DLGAP4: variants seen among roughly 807,000 people sequenced by gnomAD.
The protein encoded by DLGAP4 is disks large-associated protein 4.
A neutral mutation model predicts 86.9 loss-of-function variants in DLGAP4; 18 were observed. The ratio of observed to expected loss-of-function variants is 0.21; its 90% CI spans 0.14 to 0.31. The LOEUF is 0.31. DLGAP4 is among the 10% of genes least tolerant of loss of function. DLGAP4 has a pLI of 1.00. For synonymous variants in DLGAP4, 548 were observed against 574.3 expected, an observed-to-expected ratio of 0.95 and a Z score of 0.65; for missense variants, 1,085 against 1,362.6, an observed-to-expected ratio of 0.80 and a Z score of 3.21.
chr20:36,319,306 C>T (rs544335875), intron 1 of DLGAP4, among the ~76,000 whole-genome samples: 1 of 152,282 alleles, frequency 6.6e-6, no homozygotes, highest in East Asian at 1.9e-4. Flanking sequence ...CTCTCAGCCT[C>T]AGTTTCCCCC....
intron 7 of DLGAP4, among the ~76,000 whole-genome samples, chr20:36,489,207 C>T (rs542325974): frequency 7.6e-4 from 116 of 152,256 alleles, no homozygotes; most frequent in Admixed American, 1.0e-3. Context: ...CACATGTCTG[C>T]GAGCCCCTTA....
At chr20:36,333,505 T>C (rs1244537664) in intron 1 of DLGAP4, among the ~76,000 whole-genome samples, 1 of 152,156 alleles carries the variant, frequency 6.6e-6, no homozygotes, top group Non-Finnish European at 1.5e-5. Flanking sequence ...CCTGACTCCC[T>C]GGGTGGTCAT....
intron 10 of DLGAP4, among the ~76,000 whole-genome samples, chr20:36,513,554 C>CAAAAAA (rs562398294): frequency 9.9e-5 from 4 of 40,552 alleles, no homozygotes; most frequent in African/African-American, 1.8e-4. Context: ...GACTCCGTCT[C>CAAAAAA]AAAAAAAAAA....
intron 2 of DLGAP4, among the ~76,000 whole-genome samples, chr20:36,387,234 T>G (rs911159470): frequency 2.0e-5 from 3 of 152,252 alleles, no homozygotes; most frequent in Non-Finnish European, 2.9e-5. Flanking sequence ...AGAAAATATC[T>G]CATTTTCATT....
chr20:36,407,870 GCCA>G (rs2032370786), intron 2 of DLGAP4, among the ~76,000 whole-genome samples: 1 of 152,100 alleles, frequency 6.6e-6, no homozygotes, highest in Non-Finnish European at 1.5e-5. Context: ...GGCCTTGAAT[GCCA>G]GGGAAGCAGG....
intron 7 of DLGAP4, among the ~76,000 whole-genome samples, chr20:36,457,024 T>A (rs1308633525): frequency 6.6e-6 from 1 of 152,134 alleles, no homozygotes; most frequent in East Asian, 1.9e-4. Context: ...AAAATGGAAA[T>A]CCTTGCCTTC....
Position 36,434,110 on chromosome 20 carries a change from AT to A in DLGAP4, c.999+1399del, listed in dbSNP as rs375073312. ...AGGTGCGAGCCACCAAGACTGACCA[AT>A]TTTTGTGTTTTTAGTAGAGATGGGG... On this transcript the variant is annotated intron_variant, in intron 3 of 12. Transcript: ENST00000339266. 3.5e-3 allele frequency among the ~76,000 whole-genome samples: 532 copies of A among 150,254 alleles called. 5 individuals carry two copies. Among genetic ancestry groups the A allele is most frequent in the African/African-American group, 0.013 (516 of 40,746 alleles).
intron 4 of DLGAP4, among the ~76,000 whole-genome samples, chr20:36,436,781 A>T (rs970727005): frequency 6.7e-6 from 1 of 149,300 alleles, no homozygotes; most frequent in Non-Finnish European, 1.5e-5. Flanking sequence ...GCGCCACTGC[A>T]CTCCAGCCTG....
At chr20:36,383,442 G>C (rs2031476939) in intron 2 of DLGAP4, among the ~76,000 whole-genome samples, 1 of 152,040 alleles carries the variant, frequency 6.6e-6, no homozygotes, top group African/African-American at 2.4e-5. Flanking sequence ...CATTGGGCTT[G>C]TCCCTTGCTG....
chr20:36,482,468 G>A lies in DLGAP4; in HGVS notation c.1649-14237G>A, dbSNP rs1208385039. 2.0e-5 allele frequency among the ~76,000 whole-genome samples: 3 copies of A among 152,124 alleles called. No individual in the cohort carries two copies. The East Asian group carries it at 5.8e-4, about 29-fold the overall frequency. ...CCCAGGCTGGGCTCTGGGATCTTAG[G>A]GCTTTGGAAAGGTAGCAGCAAAGCT... On this transcript the variant is annotated intron_variant, in intron 7 of 12. Transcript: ENST00000339266.
intron 10 of DLGAP4, among the ~76,000 whole-genome samples, chr20:36,504,408 G>C (rs967678647): frequency 6.6e-6 from 1 of 152,102 alleles, no homozygotes; most frequent in African/African-American, 2.4e-5. Context: ...ACCACATTTT[G>C]TTCATCTGTT....
chr20:36,420,835 TG>T, intron 2 of DLGAP4, among the ~76,000 whole-genome samples: 1 of 151,954 alleles, frequency 6.6e-6, no homozygotes, highest in Middle Eastern at 3.4e-3. Context: ...TAGCCAGGCG[TG>T]GTGGCGCATG....
rs80050328 is a variant in DLGAP4 at position 36,449,734 on chromosome 20, C to T, written c.1648+2797C>T. ...AACCATCCCTCACCAGTTTTTCCAA[C>T]CCCAGTCACTCATGAATGGACTAAA... On this transcript the variant is annotated intron_variant, in intron 7 of 12. Coordinates refer to ENST00000339266, the MANE Select transcript of DLGAP4 (RefSeq NM_001365621.2). 1.6e-3 allele frequency among the ~76,000 whole-genome samples: 247 copies of T among 152,318 alleles called. 3 individuals are homozygous for T. The highest frequency in any genetic ancestry group is 5.8e-3 in the African/African-American group (240 of 41,574).
chr20:36,407,067 C>T lies in DLGAP4; in HGVS notation c.-72-24579C>T, dbSNP rs185330307. Among the ~76,000 whole-genome samples, 6 of 152,230 alleles carry T rather than the reference C, an allele frequency of 3.9e-5. 1 individual carries two copies. Among genetic ancestry groups the T allele is most frequent in the Admixed American group, 3.3e-4 (5 of 15,296 alleles). On this transcript the variant is annotated intron_variant, in intron 2 of 12. Transcript: ENST00000339266. ...AGAGGAACTAGAGCCTCAGTTCCCT[C>T]ATCTTTCAATCAGAAGTAATAATAC...
chr20:36,477,182 G>A (rs1050261254), intron 7 of DLGAP4, among the ~76,000 whole-genome samples: 6 of 149,472 alleles, frequency 4.0e-5, no homozygotes, highest in Admixed American at 2.0e-4. Context: ...CTGCAACCTC[G>A]CCTCCTAGGT....
intron 2 of DLGAP4, among the ~76,000 whole-genome samples, chr20:36,396,081 A>G (rs1335833242): frequency 6.6e-6 from 1 of 151,904 alleles, no homozygotes; most frequent in Non-Finnish European, 1.5e-5. Context: ...TTGAAACAAC[A>G]TCATGGCAGT....
At chr20:36,439,646 C>A in intron 4 of DLGAP4, 108 bp from the exon 5 acceptor site, 1 of 891,408 alleles carries the variant, frequency 1.1e-6, no homozygotes, top group South Asian at 1.5e-5. Flanking sequence ...GCGGCTGCAG[C>A]GGGCATCACA....
At chr20:36,404,840 T>C (rs981198249) in intron 2 of DLGAP4, among the ~76,000 whole-genome samples, 1 of 152,186 alleles carries the variant, frequency 6.6e-6, no homozygotes, top group African/African-American at 2.4e-5. Flanking sequence ...AGCCCACCAG[T>C]CCCATGGGGA....
chr20:36,489,517 C>T (rs2035564747), intron 7 of DLGAP4, among the ~76,000 whole-genome samples: 1 of 152,146 alleles, frequency 6.6e-6, no homozygotes, highest in Non-Finnish European at 1.5e-5. Context: ...TCCTTGAGGC[C>T]CTGAATGCCC....
Sources: gnomAD v4.1 joint callset for allele counts (sites outside exome capture counted in the v4.1 genomes callset) on GRCh38, gnomAD v4.1.1 for gene constraint, MANE v1.5 for transcripts, NCBI Gene and HGNC (gene_info 2026-07-23, HGNC 2026-07-21) for gene names.